The following DGLUCY variants were observed in gnomAD, a reference collection of about 807,000 sequenced individuals.
DGLUCY encodes D-glutamate cyclase, mitochondrial.
DGLUCY carries 58 observed loss-of-function variants against 58.5 expected under a neutral mutation model. The observed-to-expected ratio is 0.99, with a 90% CI of 0.80 to 1.23. DGLUCY has a LOEUF of 1.23. Ranked by LOEUF, DGLUCY falls within the 50% of genes most tolerant of loss-of-function variation. DGLUCY has a pLI of 0.00. For synonymous variants in DGLUCY, 325 were observed against 314.1 expected, an observed-to-expected ratio of 1.03 and a Z score of -0.37; for missense variants, 779 against 784.7, an observed-to-expected ratio of 0.99 and a Z score of 0.09.
chr14:91,173,291 A>G lies in DGLUCY; in HGVS notation c.459A>G (p.Thr153=), dbSNP rs1346372337. ...GATTTTTTTTTTTTTTTGGTCAGAC[A>G]ACAGTGCCTTGTGTTACCCATGCTG... ...AGHSQAGAYK[T]TVPCVTHAGF... Residue 153 remains threonine, a splice_region_variant and synonymous_variant, in exon 6 of 14, where the codon ACA becomes ACG. Coordinates refer to ENST00000256324, the MANE Select transcript of DGLUCY (RefSeq NM_001102368.3). 6.2e-7 allele frequency: 1 copy of G among 1,610,966 alleles called. No individual in the cohort carries two copies. The highest frequency in any genetic ancestry group is 8.5e-7 in the Non-Finnish European group (1 of 1,179,168).
At position 91,186,866 on chromosome 14, in the gene DGLUCY, T is replaced by G. The variant is rs558363557; in HGVS notation, c.935-2044T>G. Among the ~76,000 whole-genome samples the G allele has an allele frequency of 2.0e-5, 3 of 147,212 alleles. No homozygotes were observed. In the East Asian group the frequency reaches 5.8e-4, roughly 28 times the overall value. ...CCTCCCATTCTCCATGTGGGAAAAC[T>G]GAGGCTCAGAGAGGTCAAAGGATGA... is the stretch of plus-strand genomic sequence containing the variant. On this transcript the variant is annotated intron_variant, in intron 8 of 13. Coordinates refer to ENST00000256324, the MANE Select transcript of DGLUCY (RefSeq NM_001102368.3).
chr14:91,211,491 A>G (rs749858995), intron 12 of DGLUCY, among the ~76,000 whole-genome samples: 10 of 152,254 alleles, frequency 6.6e-5, no homozygotes, highest in East Asian at 1.9e-4. Flanking sequence ...AAATAGATCA[A>G]TGGAACAGAA....
chr14:91,178,001 G>A (rs954709910), intron 7 of DGLUCY, among the ~76,000 whole-genome samples: 5 of 152,206 alleles, frequency 3.3e-5, no homozygotes, highest in Non-Finnish European at 7.3e-5. Context: ...TGGCCTCACC[G>A]CTTTCCCACC....
At chr14:91,205,842 CTTTTT>C (rs36096639) in intron 12 of DGLUCY, among the ~76,000 whole-genome samples, 1 of 70,698 alleles carries the variant, frequency 1.4e-5, no homozygotes, top group African/African-American at 6.3e-5. Context: ...TCTTCTTCTT[CTTTTT>C]TTTTTTTTTT....
chr14:91,188,907 C>T lies in DGLUCY; in HGVS notation c.935-3C>T. ...CTTTTACATTCTATTTTTGTCATTT[C>T]AGGGAACCGGGGGATTGGGCACCTG... On this transcript the variant is annotated splice_polypyrimidine_tract_variant and splice_region_variant and intron_variant, in intron 8 of 13. Coordinates refer to ENST00000256324, the MANE Select transcript of DGLUCY (RefSeq NM_001102368.3). The T allele has an allele frequency of 6.2e-7, 1 of 1,609,084 alleles. No homozygotes were observed. Among genetic ancestry groups the T allele is most frequent in the South Asian group, 1.1e-5 (1 of 89,920 alleles).
intron 1 of DGLUCY, among the ~76,000 whole-genome samples, chr14:91,118,093 T>A (rs979421381): frequency 4.8e-5 from 5 of 104,846 alleles, no homozygotes; most frequent in African/African-American, 1.9e-4. Flanking sequence ...CCCCCCTTTT[T>A]TTTTTTAGAC....
intron 1 of DGLUCY, among the ~76,000 whole-genome samples, chr14:91,127,301 G>T (rs1006491889): frequency 5.9e-5 from 9 of 152,096 alleles, no homozygotes; most frequent in African/African-American, 2.2e-4. Flanking sequence ...AAGCAGTCCT[G>T]CCTCACCCTT....
intron 8 of DGLUCY, among the ~76,000 whole-genome samples, chr14:91,188,277 G>T (rs1289984785): frequency 6.6e-6 from 1 of 152,134 alleles, no homozygotes; most frequent in Non-Finnish European, 1.5e-5. Flanking sequence ...TGTGTTGGAG[G>T]TGCATGCCAG....
At chr14:91,182,063 C>T (rs1388897141) in intron 8 of DGLUCY, among the ~76,000 whole-genome samples, 1 of 151,130 alleles carries the variant, frequency 6.6e-6, no homozygotes, top group East Asian at 2.0e-4. Context: ...TCACTGCAAC[C>T]TCCATCTCCC....
At chr14:91,074,896 A>C (rs1425414065) in intron 1 of DGLUCY, among the ~76,000 whole-genome samples, 1 of 152,026 alleles carries the variant, frequency 6.6e-6, no homozygotes, top group Non-Finnish European at 1.5e-5. Flanking sequence ...AACATGGAGA[A>C]ACCCCATCTC....
chr14:91,165,444 C>A (rs994402729), intron 3 of DGLUCY: 13 of 352,974 alleles, frequency 3.7e-5, no homozygotes, highest in African/African-American at 2.8e-4. Flanking sequence ...AGGATTCAAG[C>A]CCAGGTGTGT....
At chr14:91,179,011 G>A (rs768954130) in intron 7 of DGLUCY, among the ~76,000 whole-genome samples, 11 of 151,668 alleles carry the variant, frequency 7.3e-5, no homozygotes, top group African/African-American at 1.9e-4. Flanking sequence ...GTGATAGAGC[G>A]AGACTCTGTC....
intron 1 of DGLUCY, among the ~76,000 whole-genome samples, chr14:91,088,138 T>C (rs1298095651): frequency 6.6e-6 from 1 of 152,006 alleles, no homozygotes; most frequent in Non-Finnish European, 1.5e-5. Flanking sequence ...CATTGGAAAT[T>C]GCAAGTAAAT....
At chr14:91,065,122 A>G (rs1027144252) in intron 1 of DGLUCY, among the ~76,000 whole-genome samples, 6 of 152,108 alleles carry the variant, frequency 3.9e-5, no homozygotes, top group African/African-American at 1.4e-4. Flanking sequence ...GTGCTGAGTG[A>G]TAGGAGGGAG....
rs12895348 is a variant in DGLUCY at position 91,189,104 on chromosome 14, G to A, written c.1129G>A (p.Ala377Thr). Reference protein sequence around the residue: ...AFLQALEKEVAIIVDQRAWNL... With the variant: ...AFLQALEKEVTIIVDQRAWNL... ...CCTGCAGGCCTTGGAGAAGGAGGTC[G>A]CCATAATCGTTGACCAGAGAGCCTG... Residue 377 changes from alanine (A) to threonine (T), a missense_variant, in exon 9 of 14, where the codon GCC becomes ACC. Transcript: ENST00000256324. The A allele has an allele frequency of 1.1e-3, 1,850 of 1,614,158 alleles. 2 individuals are homozygous for A. The highest frequency in any genetic ancestry group is 1.4e-3 in the Non-Finnish European group (1,632 of 1,180,024).
At chr14:91,136,218 C>G (rs2046330741) in intron 1 of DGLUCY, among the ~76,000 whole-genome samples, 1 of 151,354 alleles carries the variant, frequency 6.6e-6, no homozygotes, top group South Asian at 2.1e-4. Context: ...CAGGCTTGAG[C>G]CACCGAGCCC....
chr14:91,133,877 A>G (rs2046176198), intron 1 of DGLUCY, among the ~76,000 whole-genome samples: 1 of 152,070 alleles, frequency 6.6e-6, no homozygotes, highest in East Asian at 1.9e-4. Context: ...TGTGGTTTTG[A>G]TTTGCAGTTC....
At chr14:91,187,534 C>T (rs2049597343) in intron 8 of DGLUCY, among the ~76,000 whole-genome samples, 1 of 152,198 alleles carries the variant, frequency 6.6e-6, no homozygotes, top group South Asian at 2.1e-4. Flanking sequence ...GTAGCACACA[C>T]CGCAGCTTCC....
At chr14:91,193,065 G>T (rs1046551397) in intron 9 of DGLUCY, among the ~76,000 whole-genome samples, 1 of 152,056 alleles carries the variant, frequency 6.6e-6, no homozygotes, top group Admixed American at 6.6e-5. Flanking sequence ...ATAAATGGAG[G>T]CAGAGCAAAG....
Sources: allele counts gnomAD v4.1 joint callset (sites outside exome capture counted in the v4.1 genomes callset), GRCh38; gene constraint gnomAD v4.1.1; transcripts MANE v1.5; gene names NCBI Gene and HGNC (gene_info 2026-07-23, HGNC 2026-07-21).